Variants in AGBL1 observed in about 807,000 individuals in gnomAD.
The protein encoded by AGBL1 is cytosolic carboxypeptidase 4.
A neutral mutation model predicts 118.9 loss-of-function variants in AGBL1; 130 were observed. The observed-to-expected ratio is 1.09, with a 90% confidence interval of 0.95 to 1.26. The LOEUF (loss-of-function observed/expected upper bound fraction) is 1.26, where lower values mean the gene tolerates loss of function less well. Among genes scored for constraint, AGBL1 ranks in the 50% most tolerant of loss-of-function variants. The pLI is 0.00. For synonymous variants in AGBL1, 555 were observed against 478.9 expected (o/e 1.16, Z -2.08); for missense variants, 1,584 against 1,298.1 (o/e 1.22, Z -3.38).
At chr15:86,341,754 G>A (rs192251712) in intron 17 of AGBL1, among the ~76,000 whole-genome samples, 284 of 152,200 alleles carry the variant, frequency 1.9e-3, no homozygotes, top group African/African-American at 6.5e-3. Flanking sequence ...GGAGGGCCCC[G>A]AACCTTGATG....
chr15:86,143,795 A>C lies in AGBL1; in HGVS notation c.212A>C (p.Tyr71Ser). The change falls in exon 3 of 23, where the codon TAT becomes TCT. Residue 71 changes from tyrosine (Y) to serine (S), a missense_variant. Physicochemically the swap from Tyr to Ser is moderately radical, Grantham distance 144 (BLOSUM62 -2). Transcript: ENST00000614907. Reference sequence around the variant, plus strand: ...ACAGCGAGGACAGCTCCTCCAGACTATGACATCCTCCTGCCTCTCTTCCGG... The same window carrying C: ...ACAGCGAGGACAGCTCCTCCAGACTCTGACATCCTCCTGCCTCTCTTCCGG... Reference protein sequence around the residue: ...VDTARTAPPDYDILLPLFRLL... With the variant: ...VDTARTAPPDSDILLPLFRLL... The C allele has an allele frequency of 1.2e-6, 2 of 1,613,868 alleles. No homozygotes were observed. Among genetic ancestry groups the C allele is most frequent in the Non-Finnish European group, 1.7e-6 (2 of 1,179,802 alleles).
At chr15:86,606,388 T>C (rs1387421673) in intron 21 of AGBL1, among the ~76,000 whole-genome samples, 1 of 152,130 alleles carries the variant, frequency 6.6e-6, no homozygotes, top group Non-Finnish European at 1.5e-5. Flanking sequence ...AAATAATCAG[T>C]AAAGACAGAG....
At chr15:86,198,773 T>C (rs1373758400) in intron 5 of AGBL1, among the ~76,000 whole-genome samples, 1 of 152,104 alleles carries the variant, frequency 6.6e-6, no homozygotes, top group Non-Finnish European at 1.5e-5. Context: ...AGGGCGCCCT[T>C]AGCAGAAACT....
At chr15:86,508,748 C>G (rs1183299598) in intron 18 of AGBL1, among the ~76,000 whole-genome samples, 3 of 151,984 alleles carry the variant, frequency 2.0e-5, no homozygotes, top group Non-Finnish European at 1.5e-5. Context: ...GAAGCAGATT[C>G]AATAAACATA....
intron 18 of AGBL1, among the ~76,000 whole-genome samples, chr15:86,462,521 G>A (rs1200538207): frequency 1.3e-5 from 2 of 152,004 alleles, no homozygotes; most frequent in African/African-American, 2.4e-5. Flanking sequence ...ATGCCATGGT[G>A]GTTTGCTGCA....
intron 18 of AGBL1, among the ~76,000 whole-genome samples, chr15:86,465,756 C>G (rs529446695): frequency 6.6e-6 from 1 of 152,302 alleles, no homozygotes; most frequent in East Asian, 1.9e-4. Context: ...TTCTCAAACA[C>G]TGTTTGTTTC....
intron 21 of AGBL1, among the ~76,000 whole-genome samples, chr15:86,638,840 C>T (rs1052448985): frequency 6.6e-5 from 10 of 152,190 alleles, no homozygotes; most frequent in African/African-American, 2.2e-4. Context: ...CTGAGTGTGG[C>T]TCAGTTGGGC....
At chr15:86,990,559 A>G (rs1002530591) in intron 24 of AGBL1, among the ~76,000 whole-genome samples, 1 of 152,198 alleles carries the variant, frequency 6.6e-6, no homozygotes, top group South Asian at 2.1e-4. Context: ...CATGGGGAAT[A>G]TCCATACTGA....
intron 5 of AGBL1, among the ~76,000 whole-genome samples, chr15:86,211,801 G>A (rs897934268): frequency 6.6e-6 from 1 of 152,138 alleles, no homozygotes; most frequent in Non-Finnish European, 1.5e-5. Context: ...CTTCCTGGGT[G>A]AGGAGATGCC....
chr15:86,457,955 G>T lies in AGBL1; in HGVS notation c.2555+60409G>T, dbSNP rs149290768. On this transcript the variant is annotated intron_variant, in intron 18 of 22. Transcript: ENST00000614907. ...AACTGTCAGTGCTTTCGATCATAGG[G>T]GTAGTCTGGTATAAAAGGAAGGCTG... 3.6e-3 allele frequency among the ~76,000 whole-genome samples: 544 copies of T among 152,206 alleles called. 6 individuals are homozygous for T. The highest frequency in any genetic ancestry group is 0.012 in the African/African-American group (516 of 41,528).
chr15:87,023,556 G>C (rs2081691393), intron 24 of AGBL1, among the ~76,000 whole-genome samples: 1 of 151,968 alleles, frequency 6.6e-6, no homozygotes, highest in Non-Finnish European at 1.5e-5. Context: ...ATACACCACT[G>C]ACATCACTAG....
intron 24 of AGBL1, among the ~76,000 whole-genome samples, chr15:87,006,126 G>C (rs538728699): frequency 3.9e-4 from 59 of 152,326 alleles, no homozygotes; most frequent in African/African-American, 1.2e-3. Flanking sequence ...CTGCCAGTTA[G>C]GCTACTCAGG....
intron 23 of AGBL1, among the ~76,000 whole-genome samples, chr15:86,973,198 G>C (rs2081129312): frequency 6.6e-6 from 1 of 151,946 alleles, no homozygotes; most frequent in Admixed American, 6.6e-5. Flanking sequence ...GTATATATTA[G>C]TTGTTATTAT....
At chr15:86,666,674 GATA>G (rs2085650638) in intron 21 of AGBL1, among the ~76,000 whole-genome samples, 1 of 152,102 alleles carries the variant, frequency 6.6e-6, no homozygotes, top group African/African-American at 2.4e-5. Flanking sequence ...TGCTGTTATT[GATA>G]ATAATAAGTA....
chr15:86,729,889 G>A (rs1454743491), intron 22 of AGBL1, among the ~76,000 whole-genome samples: 1 of 152,040 alleles, frequency 6.6e-6, no homozygotes, highest in Non-Finnish European at 1.5e-5. Flanking sequence ...ATTCCCACCG[G>A]CAGTATATAA....
chr15:86,143,918 A>G, intron 3 of AGBL1, 73 bp downstream of exon 3: 2 of 1,542,344 alleles, frequency 1.3e-6, no homozygotes, highest in Admixed American at 1.9e-5. Context: ...GCAATTTGGG[A>G]AGCTTTGGTG....
chr15:86,743,714 G>T (rs568700565), intron 22 of AGBL1, among the ~76,000 whole-genome samples: 2 of 152,066 alleles, frequency 1.3e-5, no homozygotes, highest in African/African-American at 4.8e-5. Flanking sequence ...ATTCTGATGC[G>T]GATGATCCCT....
At position 86,617,606 on chromosome 15, in the gene AGBL1, T is replaced by G. The variant is rs532782158; in HGVS notation, c.2995-56667T>G. On this transcript the variant is annotated intron_variant, in intron 21 of 22. Coordinates refer to ENST00000614907, the MANE Select transcript of AGBL1 (RefSeq NM_001386094.1). ...GAATATGGTATTGTCAAAACTGTGA[T>G]CATAGGTATATTTTTTATTTTTAAA... Among the ~76,000 whole-genome samples the G allele has an allele frequency of 3.3e-5, 5 of 152,340 alleles. No individual in the cohort carries two copies. In the South Asian group the frequency reaches 8.3e-4, roughly 25 times the overall value.
At chr15:86,158,083 G>A (rs1301983307) in intron 4 of AGBL1, among the ~76,000 whole-genome samples, 1 of 152,096 alleles carries the variant, frequency 6.6e-6, no homozygotes, top group Non-Finnish European at 1.5e-5. Context: ...AAGATTGATG[G>A]GCAGGACTAG....
Sources: allele counts gnomAD v4.1 joint callset (sites outside exome capture counted in the v4.1 genomes callset), GRCh38; gene constraint gnomAD v4.1.1; transcripts MANE v1.5; gene names NCBI Gene and HGNC (gene_info 2026-07-23, HGNC 2026-07-21).